TRIM55: variants seen among roughly 807,000 people sequenced by gnomAD.
The protein encoded by TRIM55 is tripartite motif-containing protein 55.
Under a neutral mutation model 60.9 loss-of-function variants are expected in TRIM55, and 50 were observed. The ratio of observed to expected loss-of-function variants is 0.82; its 90% confidence interval spans 0.65 to 1.04. The LOEUF (loss-of-function observed/expected upper bound fraction) is 1.04. TRIM55 is among the 50% of genes least tolerant of loss of function. TRIM55 has a pLI of 0.00. For missense variants in TRIM55, 681 were observed against 666.9 expected, an observed-to-expected ratio of 1.02 and a Z score of -0.23; for synonymous variants, 237 against 238.1, an observed-to-expected ratio of 1.00 and a Z score of 0.04.
the TRIM55 span, among the ~76,000 whole-genome samples, chr8:66,118,457 T>C: frequency 1.3e-5 from 2 of 152,146 alleles, no homozygotes; most frequent in Admixed American, 6.5e-5. Flanking sequence ...AAATCACATA[T>C]GCAAGCTACC....
At chr8:66,160,830 T>G (rs1811007281) in intron 9 of TRIM55, among the ~76,000 whole-genome samples, 1 of 152,060 alleles carries the variant, frequency 6.6e-6, no homozygotes, top group Non-Finnish European at 1.5e-5. Flanking sequence ...TTGAGAATTG[T>G]CTGTTCATGT....
intron 4 of TRIM55, among the ~76,000 whole-genome samples, chr8:66,145,201 T>C (rs1810035629): frequency 6.6e-6 from 1 of 152,146 alleles, no homozygotes; most frequent in African/African-American, 2.4e-5. Flanking sequence ...TCAAAGAGTG[T>C]GAAAAAATAG....
intron 2 of TRIM55, among the ~76,000 whole-genome samples, chr8:66,130,726 T>A (rs981610958): frequency 4.6e-5 from 7 of 150,636 alleles, no homozygotes; most frequent in Non-Finnish European, 1.0e-4. Context: ...AGTGGCGTGA[T>A]CTTGGCTCAC....
At chr8:66,144,091 A>G (rs1809973335) in intron 4 of TRIM55, among the ~76,000 whole-genome samples, 1 of 152,224 alleles carries the variant, frequency 6.6e-6, no homozygotes, top group Non-Finnish European at 1.5e-5. Context: ...AAAGGTGGCT[A>G]GAAATTGGAG....
chr8:66,136,676 C>T (rs2128975200), intron 3 of TRIM55, among the ~76,000 whole-genome samples: 1 of 152,284 alleles, frequency 6.6e-6, no homozygotes, highest in African/African-American at 2.4e-5. Flanking sequence ...GTGTTTGTGT[C>T]TGTATACACT....
In TRIM55 at chr8:66,127,327, T is replaced by TA; in HGVS notation, c.60dup (p.Glu21ArgfsTer28). 1 of 1,614,164 alleles carries TA rather than the reference T, an allele frequency of 6.2e-7. No individual in the cohort carries two copies. The highest frequency in any genetic ancestry group is 1.3e-5 in the African/African-American group (1 of 75,042). ...AAAGAGCAGCAGACCATGGATAACT[T>TA]AGAGAAGCAACTCATCTGTCCCATC... On this transcript the variant is annotated frameshift_variant, in exon 1 of 10. Coordinates refer to ENST00000315962, the MANE Select transcript of TRIM55 (RefSeq NM_184085.2). LOFTEE classifies it high-confidence loss of function.
At chr8:66,170,618 TA>T (rs900895960) in intron 9 of TRIM55, among the ~76,000 whole-genome samples, 30 of 151,062 alleles carry the variant, frequency 2.0e-4, no homozygotes, top group East Asian at 9.7e-4. Context: ...GAATTCACAT[TA>T]AAAAAAAATA....
intron 9 of TRIM55, among the ~76,000 whole-genome samples, chr8:66,163,764 G>T (rs564063022): frequency 5.6e-4 from 86 of 152,218 alleles, no homozygotes; most frequent in Non-Finnish European, 1.0e-3. Flanking sequence ...GTTGGGCATG[G>T]TGTTCTGTAC....
intron 4 of TRIM55, among the ~76,000 whole-genome samples, chr8:66,137,403 T>C (rs961453573): frequency 2.0e-5 from 3 of 152,324 alleles, no homozygotes; most frequent in African/African-American, 7.2e-5. Flanking sequence ...CCACAATTAC[T>C]AGGGCTGTTG....
At chr8:66,160,581 TC>T (rs946525060) in intron 9 of TRIM55, among the ~76,000 whole-genome samples, 1 of 152,196 alleles carries the variant, frequency 6.6e-6, no homozygotes, top group African/African-American at 2.4e-5. Flanking sequence ...TACTTTTAGT[TC>T]TTTAAGGAAT....
rs148586540 is a variant in TRIM55, at chr8:66,154,244, T to C, written c.1434T>C (p.Asn478=). 1.2e-6 allele frequency: 2 copies of C among 1,613,910 alleles called. No individual in the cohort carries two copies. Among genetic ancestry groups the C allele is most frequent in the African/African-American group, 2.7e-5 (2 of 74,868 alleles). ...GGCCTCCAGGTTCTGAGGATTCGAA[T>C]GTACGGAAGGCAGAAGTGGCAGCAG... The part of the protein sequence containing the change: ...QIGPPGSEDS[N]VRKAEVAAAA... The change falls in exon 9 of 10, where the codon AAT becomes AAC. Residue 478 remains asparagine (N), a synonymous_variant. Coordinates refer to ENST00000315962, the MANE Select transcript of TRIM55 (RefSeq NM_184085.2).
At chr8:66,114,241 G>C in the TRIM55 span, among the ~76,000 whole-genome samples, 5 of 152,160 alleles carry the variant, frequency 3.3e-5, no homozygotes, top group Non-Finnish European at 5.9e-5. Flanking sequence ...GAGGTAGCGG[G>C]ATCGATGCCC....
At chr8:66,144,572 A>G (rs543932926) in intron 4 of TRIM55, among the ~76,000 whole-genome samples, 1 of 152,368 alleles carries the variant, frequency 6.6e-6, no homozygotes, top group South Asian at 2.1e-4. Flanking sequence ...ACAGGTGCAC[A>G]CACAGAGGAT....
At chr8:66,136,479 G>T (rs990098076) in intron 3 of TRIM55, among the ~76,000 whole-genome samples, 1 of 152,128 alleles carries the variant, frequency 6.6e-6, no homozygotes, top group African/African-American at 2.4e-5. Flanking sequence ...CAAGCGCATG[G>T]GTCTCCCAAG....
intron 8 of TRIM55, 44 bp from the exon 9 acceptor site, chr8:66,154,003 C>CT (rs34117579): frequency 0.051 from 57,863 of 1,137,568 alleles, no homozygotes; most frequent in Non-Finnish European, 0.054. Flanking sequence ...TCTTCTTCTT[C>CT]TTTTTTTTTT....
upstream of TRIM55, among the ~76,000 whole-genome samples, chr8:66,125,402 A>G (rs2128971216): frequency 1.3e-5 from 2 of 152,398 alleles, no homozygotes; most frequent in Middle Eastern, 6.8e-3. Flanking sequence ...GAGACACACT[A>G]CACATATCCA....
At position 66,152,442 on chromosome 8, in the gene TRIM55, G is replaced by A. The variant is rs770509135; in HGVS notation, c.1051G>A (p.Gly351Arg). The stretch of plus-strand genomic sequence containing the variant: ...AAAAGAAGGAGAAGGAGAAGTGGGA[G>A]GAGAAGCAGTAGAAGTGGAAGAGGT... ...GEKEGEGEVG[G>R]EAVEVEEVEN... The change falls in exon 8 of 10, where the codon GGA becomes AGA. Residue 351 changes from glycine (G) to arginine (R), a missense_variant. By Grantham distance (125) the Gly-to-Arg change is moderately radical (BLOSUM62 -2). Coordinates refer to ENST00000315962, the MANE Select transcript of TRIM55 (RefSeq NM_184085.2). 1.9e-6 allele frequency: 3 copies of A among 1,613,298 alleles called. No individual in the cohort carries two copies. Among genetic ancestry groups the A allele is most frequent in the Admixed American group, 3.3e-5 (2 of 59,976 alleles).
intron 4 of TRIM55, among the ~76,000 whole-genome samples, chr8:66,147,518 C>T (rs1810158730): frequency 6.6e-6 from 1 of 152,054 alleles, no homozygotes; most frequent in Non-Finnish European, 1.5e-5. Context: ...TCTATTCCGC[C>T]AGGATTGGTG....
intron 9 of TRIM55, among the ~76,000 whole-genome samples, chr8:66,166,759 G>A (rs1811349389): frequency 6.6e-6 from 1 of 152,188 alleles, no homozygotes; most frequent in Admixed American, 6.5e-5. Flanking sequence ...GAGTAGCTGG[G>A]AGCTTGTTGC....
Sources: gnomAD v4.1 joint callset for allele counts (sites outside exome capture counted in the v4.1 genomes callset) on GRCh38, gnomAD v4.1.1 for gene constraint, MANE v1.5 for transcripts, NCBI Gene and HGNC (gene_info 2026-07-23, HGNC 2026-07-21) for gene names.